The following SPAG1 variants were observed in gnomAD, a reference collection of about 807,000 sequenced individuals.
SPAG1 encodes the protein sperm-associated antigen 1.
Under a neutral mutation model 100.5 loss-of-function variants are expected in SPAG1, and 69 were observed. That is an observed-to-expected ratio of 0.69 (90% CI 0.57 to 0.84). SPAG1 has a LOEUF of 0.84. SPAG1 is among the 40% of genes least tolerant of loss of function. The pLI is 0.00. For synonymous variants in SPAG1, 336 were observed against 411.6 expected (o/e 0.82, Z 2.22); for missense variants, 955 against 1,133.1 (o/e 0.84, Z 2.26).
At chr8:100,172,339 T>C (rs2132222498) in intron 3 of SPAG1, among the ~76,000 whole-genome samples, 2 of 152,236 alleles carry the variant, frequency 1.3e-5, no homozygotes, top group Middle Eastern at 6.8e-3. Flanking sequence ...ATTTTTGGGC[T>C]GGGCACGAGT....
At chr8:100,176,975 A>G (rs1386932680) in intron 3 of SPAG1, among the ~76,000 whole-genome samples, 2 of 146,448 alleles carry the variant, frequency 1.4e-5, no homozygotes, top group African/African-American at 2.5e-5. Flanking sequence ...TTTTTTTTCA[A>G]TGGTCCTTAC....
chr8:100,237,420 C>G (rs1490010281), intron 16 of SPAG1, among the ~76,000 whole-genome samples: 3 of 152,210 alleles, frequency 2.0e-5, no homozygotes, highest in Non-Finnish European at 4.4e-5. Context: ...GTCTTGACTT[C>G]TCTGACACCT....
intron 10 of SPAG1, chr8:100,194,695 TG>T (rs1279483446): frequency 3.2e-6 from 1 of 317,162 alleles, no homozygotes; most frequent in Admixed American, 4.8e-5. Context: ...TTGCTATGTG[TG>T]TTTTTCAAAA....
intron 13 of SPAG1, 40 bp downstream of exon 13, chr8:100,220,471 T>A: frequency 6.4e-7 from 1 of 1,566,934 alleles, no homozygotes. Flanking sequence ...CTAGTTGTTT[T>A]ATACTGTTTT....
intron 4 of SPAG1, among the ~76,000 whole-genome samples, chr8:100,182,138 A>C (rs780863744): frequency 6.6e-6 from 1 of 152,252 alleles, no homozygotes; most frequent in Non-Finnish European, 1.5e-5. Flanking sequence ...TATATAGATA[A>C]ATATTTTAAA....
At chr8:100,213,777 G>A (rs1253804937) in intron 11 of SPAG1, 42 bp from the exon 12 acceptor site, 1 of 1,252,966 alleles carries the variant, frequency 8.0e-7, no homozygotes. Context: ...CTGTGATCTT[G>A]CTAATGGATT....
intron 14 of SPAG1, among the ~76,000 whole-genome samples, chr8:100,230,589 T>C (rs1198408044): frequency 6.6e-6 from 1 of 152,218 alleles, no homozygotes; most frequent in African/African-American, 2.4e-5. Flanking sequence ...AGATGGCATG[T>C]CAAGATGGAT....
At chr8:100,183,490 C>G in intron 5 of SPAG1, 54 bp downstream of exon 5, 1 of 765,952 alleles carries the variant, frequency 1.3e-6, no homozygotes, top group South Asian at 1.7e-5. Context: ...TTATCTACCA[C>G]AAAATACTGC....
In SPAG1 at chr8:100,239,105, C is replaced by G; in HGVS notation, c.2116-135C>G. Reference sequence around the variant, plus strand: ...CAGCTGCATATTCACCCCACAGGCTCACTTTGTAAGAGTGGTATTAATGTG... The same window carrying G: ...CAGCTGCATATTCACCCCACAGGCTGACTTTGTAAGAGTGGTATTAATGTG... On this transcript the variant is annotated intron_variant, in intron 16 of 18. Coordinates refer to ENST00000388798, the MANE Select transcript of SPAG1 (RefSeq NM_003114.5). The surrounding 1 kb of genome is among the most constrained non-coding windows in gnomAD (Gnocchi z 5.0). 1 of 483,360 alleles carries G rather than the reference C, an allele frequency of 2.1e-6. No individual in the cohort carries two copies. The highest frequency in any genetic ancestry group is 3.7e-6 in the Non-Finnish European group (1 of 271,910). 29.9% of individuals were successfully genotyped at this position (483,360 alleles called of 1,614,324 possible). A position where few individuals can be genotyped will look rare whatever the true frequency, so the allele number is the denominator to read the frequency against.
intron 9 of SPAG1, 26 bp downstream of exon 9, chr8:100,191,522 C>A: frequency 6.8e-7 from 1 of 1,461,628 alleles, no homozygotes; most frequent in Non-Finnish European, 9.6e-7. Flanking sequence ...GATTTCTCAC[C>A]TAATTCTGTA....
chr8:100,238,928 C>G lies in SPAG1; in HGVS notation c.2116-312C>G, dbSNP rs537526248. 1.5e-4 allele frequency among the ~76,000 whole-genome samples: 23 copies of G among 152,296 alleles called. No homozygotes were observed. The South Asian group carries it at 3.9e-3, about 26-fold the overall frequency. ...TAATACAAGGATGAGTTCATTCTTTCATTTATTCATTCAGCAAGCAACAAG... is the reference window on the plus strand; with the variant it reads ...TAATACAAGGATGAGTTCATTCTTTGATTTATTCATTCAGCAAGCAACAAG... On this transcript the variant is annotated intron_variant, in intron 16 of 18. Coordinates refer to ENST00000388798, the MANE Select transcript of SPAG1 (RefSeq NM_003114.5).
At chr8:100,213,484 C>A in intron 11 of SPAG1, 56 bp downstream of exon 11, 2 of 1,299,780 alleles carry the variant, frequency 1.5e-6, no homozygotes, top group Non-Finnish European at 2.0e-6. Flanking sequence ...GTTCACCCGA[C>A]CTCCGGGGCC....
Position 100,213,442 on chromosome 8 carries a change from GC to G in SPAG1, c.1435+18del, listed in dbSNP as rs995127742. On this transcript the variant is annotated intron_variant, in intron 11 of 18. Coordinates refer to ENST00000388798, the MANE Select transcript of SPAG1 (RefSeq NM_003114.5). ...TGGAGCCAGCAGGTAGGTGCGCCGC[GC>G]CCCGCCGCTTCCTGGGCCCCTCGCG... 1.0e-4 allele frequency: 140 copies of G among 1,383,650 alleles called. No individual in the cohort carries two copies. In the African/African-American group the frequency reaches 1.7e-3, roughly 16 times the overall value. 85.7% of individuals were successfully genotyped at this position (1,383,650 alleles called of 1,614,324 possible). A position where few individuals can be genotyped will look rare whatever the true frequency, so the allele number is the denominator to read the frequency against.
In SPAG1 at chr8:100,167,393, T is replaced by C. The variant is rs1162875403; in HGVS notation, c.300+1420T>C. Among the ~76,000 whole-genome samples the C allele has an allele frequency of 7.2e-5, 11 of 152,208 alleles. No homozygotes were observed. In the East Asian group the frequency reaches 1.7e-3, roughly 24 times the overall value. On this transcript the variant is annotated intron_variant, in intron 3 of 18. Transcript: ENST00000388798. Reference sequence around the variant, plus strand: ...CATATCTATGATAAAGTTTAACTTATAAATTAGGCACACTAAGAGATTAAC... The same window carrying C: ...CATATCTATGATAAAGTTTAACTTACAAATTAGGCACACTAAGAGATTAAC...
At chr8:100,162,716 G>A (rs750303294) in intron 2 of SPAG1, among the ~76,000 whole-genome samples, 24 of 152,160 alleles carry the variant, frequency 1.6e-4, no homozygotes, top group Non-Finnish European at 2.5e-4. Flanking sequence ...GATGGCTCAC[G>A]CCTGCAACCC....
intron 10 of SPAG1, among the ~76,000 whole-genome samples, chr8:100,197,685 G>A (rs1817093202): frequency 6.6e-6 from 1 of 152,166 alleles, no homozygotes; most frequent in Non-Finnish European, 1.5e-5. Flanking sequence ...CCAGGACCAT[G>A]GAAAAAGGCA....
chr8:100,219,233 A>G (rs1408501467), intron 12 of SPAG1, among the ~76,000 whole-genome samples: 2 of 152,232 alleles, frequency 1.3e-5, no homozygotes, highest in Non-Finnish European at 2.9e-5. Flanking sequence ...TATCGGAAAA[A>G]CAGCAAGTTA....
At chr8:100,175,158 G>A (rs1816053230) in intron 3 of SPAG1, among the ~76,000 whole-genome samples, 2 of 151,432 alleles carry the variant, frequency 1.3e-5, no homozygotes, top group African/African-American at 2.4e-5. Flanking sequence ...TGGCTTAATG[G>A]CTTTTTCTAT....
At chr8:100,174,591 G>A (rs1484396348) in intron 3 of SPAG1, among the ~76,000 whole-genome samples, 1 of 152,158 alleles carries the variant, frequency 6.6e-6, no homozygotes, top group Non-Finnish European at 1.5e-5. Flanking sequence ...TCCACCGTTT[G>A]CTTTAGTTTT....
Sources: allele counts gnomAD v4.1 joint callset (sites outside exome capture counted in the v4.1 genomes callset), GRCh38; gene constraint gnomAD v4.1.1; non-coding constraint Gnocchi (gnomAD v3.1); transcripts MANE v1.5; gene names NCBI Gene and HGNC (gene_info 2026-07-23, HGNC 2026-07-21).